Variants in DIABLO observed in about 807,000 individuals in gnomAD.
The protein encoded by DIABLO is diablo IAP-binding mitochondrial protein.
In DIABLO, 32 loss-of-function variants were observed where a neutral mutation model predicts 31.7. That is an observed-to-expected ratio of 1.01 (90% CI 0.76 to 1.35). The LOEUF (loss-of-function observed/expected upper bound fraction) is 1.35. Among genes scored for constraint, DIABLO ranks in the 40% most tolerant of loss-of-function variants. DIABLO has a pLI of 0.00. For missense variants in DIABLO, 316 were observed against 286.4 expected, an observed-to-expected ratio of 1.10 and a Z score of -0.75; for synonymous variants, 132 against 103.2, an observed-to-expected ratio of 1.28 and a Z score of -1.69.
chr12:122,220,109 A>AT (rs1954302677), intron 2 of DIABLO, among the ~76,000 whole-genome samples: 1 of 151,058 alleles, frequency 6.6e-6, no homozygotes, highest in South Asian at 2.1e-4. Flanking sequence ...ACGCTTTGCT[A>AT]TTTTTTTGGT....
At chr12:122,216,671 G>A (rs2136095917) in intron 4 of DIABLO, 87 bp from the exon 5 acceptor site, 1 of 1,536,016 alleles carries the variant, frequency 6.5e-7, no homozygotes, top group Non-Finnish European at 9.0e-7. Context: ...AGAGAACACT[G>A]ATTATATTGA....
upstream of DIABLO, chr12:122,226,740 G>C (rs1380886142): frequency 1.8e-6 from 1 of 571,418 alleles, no homozygotes. Context: ...TTACACTGGA[G>C]AATCCTTCTC....
chr12:122,224,741 G>C (rs765169952), intron 1 of DIABLO, 97 bp from the exon 2 acceptor site: 2 of 1,610,838 alleles, frequency 1.2e-6, no homozygotes, highest in Non-Finnish European at 1.7e-6. Context: ...CTCGAGCCAA[G>C]CAGGAACCTA....
At chr12:122,211,836 T>C (rs1473036560) in intron 5 of DIABLO, among the ~76,000 whole-genome samples, 6 of 152,208 alleles carry the variant, frequency 3.9e-5, no homozygotes, top group African/African-American at 1.2e-4. Context: ...CATTTCATGA[T>C]TGATAATGTC....
At chr12:122,222,753 C>G (rs145813413) in intron 2 of DIABLO, among the ~76,000 whole-genome samples, 6 of 152,178 alleles carry the variant, frequency 3.9e-5, no homozygotes, top group Middle Eastern at 3.4e-3. Flanking sequence ...AGCACACAAC[C>G]TAGATCCCTC....
chr12:122,223,088 C>T (rs1711867091), intron 2 of DIABLO, among the ~76,000 whole-genome samples: 1 of 152,020 alleles, frequency 6.6e-6, no homozygotes, highest in East Asian at 1.9e-4. Flanking sequence ...TTCCACACAG[C>T]AACCTTTTAA....
Position 122,225,411 on chromosome 12 carries a change from G to A in DIABLO, c.50+554C>T, listed in dbSNP as rs530828321. 1.6e-5 allele frequency: 16 copies of A among 995,492 alleles called. No individual in the cohort carries two copies. The South Asian group carries it at 6.0e-4, about 38-fold the overall frequency. The allele number at this position is 995,492 out of a possible 1,614,324, so 61.7% of individuals were successfully genotyped here. On this transcript the variant is annotated intron_variant, in intron 1 of 5. Coordinates refer to ENST00000464942, the MANE Select transcript of DIABLO (RefSeq NM_001371333.1). The stretch of plus-strand genomic sequence containing the variant: ...CAAAAAAATTAAAATAAAATAAAAT[G>A]TTGCCTTTAAACTTTTTAGAAACGG...
chr12:122,222,228 A>T (rs1294236669), intron 2 of DIABLO: 13 of 151,918 alleles, frequency 8.6e-5, no homozygotes, highest in Non-Finnish European at 1.8e-4. Context: ...TTTCCAAAAA[A>T]TTTTTTTCCT....
chr12:122,216,985 C>A, intron 3 of DIABLO, 116 bp from the exon 4 acceptor site: 1 of 807,838 alleles, frequency 1.2e-6, no homozygotes. Context: ...CTCTTCCATC[C>A]TGCTGCCTCA....
At chr12:122,216,916 T>C in intron 3 of DIABLO, 47 bp from the exon 4 acceptor site, 10 of 1,486,584 alleles carry the variant, frequency 6.7e-6, no homozygotes, top group Non-Finnish European at 9.4e-6. Flanking sequence ...GTGAGACATA[T>C]CAGAAGGAAT....
Position 122,208,322 on chromosome 12 carries a change from G to A in DIABLO, c.*59C>T. The A allele has an allele frequency of 1.9e-6, 3 of 1,580,736 alleles. No individual in the cohort carries two copies. The highest frequency in any genetic ancestry group is 1.3e-5 in the African/African-American group (1 of 74,584). On this transcript the variant is annotated 3_prime_UTR_variant, in exon 6 of 6. Coordinates refer to ENST00000464942, the MANE Select transcript of DIABLO (RefSeq NM_001371333.1). ...GACAGTCATGCCAACCCTGGGCAGG[G>A]TGGCATCTGCCCCTGCTTTCCCCAC...
At position 122,214,695 on chromosome 12, in the gene DIABLO, CCT is replaced by C. The variant is rs138872978; in HGVS notation, c.523+1791_523+1792del. Among the ~76,000 whole-genome samples, 656 of 152,226 alleles carry C rather than the reference CCT, an allele frequency of 4.3e-3. 2 individuals carry two copies. Among genetic ancestry groups the C allele is most frequent in the African/African-American group, 0.015 (631 of 41,544 alleles). ...GCTTCCCAAAGACACGCGTTGAGTC[CCT>C]GTGCCTGACTCATCCCAGTTTCTTT... is the stretch of plus-strand genomic sequence containing the variant. On this transcript the variant is annotated intron_variant, in intron 5 of 5. Coordinates refer to ENST00000464942, the MANE Select transcript of DIABLO (RefSeq NM_001371333.1).
intron 4 of DIABLO, 33 bp from the exon 5 acceptor site, chr12:122,216,617 A>ATT (rs1566024772): frequency 1.2e-6 from 2 of 1,602,682 alleles, no homozygotes; most frequent in Non-Finnish European, 1.7e-6. Flanking sequence ...TTCAGACAGC[A>ATT]TAAGAGGTCT....
chr12:122,215,424 CA>C (rs1311062224), intron 5 of DIABLO, among the ~76,000 whole-genome samples: 1 of 151,884 alleles, frequency 6.6e-6, no homozygotes, highest in African/African-American at 2.4e-5. Context: ...ATTAAAAATA[CA>C]AAAACTATTC....
At chr12:122,226,383 G>GA, upstream of DIABLO, 1 of 676,420 alleles carries the variant, frequency 1.5e-6, no homozygotes, top group Non-Finnish European at 2.7e-6. Context: ...GGCCGGGCGG[G>GA]AGGCGGGGCC....
chr12:122,211,883 C>A (rs1022711643), intron 5 of DIABLO, among the ~76,000 whole-genome samples: 5 of 152,076 alleles, frequency 3.3e-5, no homozygotes, highest in African/African-American at 1.2e-4. Flanking sequence ...TACTTTTTAT[C>A]TTGAATTCTT....
At chr12:122,225,339 A>C (rs1183004512) in intron 1 of DIABLO, 1 of 920,214 alleles carries the variant, frequency 1.1e-6, no homozygotes, top group African/African-American at 1.8e-5. Flanking sequence ...GTGAGCTGAG[A>C]TCTCGCCACT....
intron 1 of DIABLO, chr12:122,224,908 C>T (rs531190124): frequency 5.6e-6 from 7 of 1,251,766 alleles, no homozygotes; most frequent in Non-Finnish European, 7.4e-6. Context: ...CAGGAGTTCA[C>T]GACCAGCCTG....
At chr12:122,214,332 C>T (rs1045648930) in intron 5 of DIABLO, among the ~76,000 whole-genome samples, 1 of 152,130 alleles carries the variant, frequency 6.6e-6, no homozygotes. Context: ...AGGTGTGAGC[C>T]ACCACACCCA....
Sources: gnomAD v4.1 joint callset for allele counts (sites outside exome capture counted in the v4.1 genomes callset) on GRCh38, gnomAD v4.1.1 for gene constraint, MANE v1.5 for transcripts, NCBI Gene and HGNC (gene_info 2026-07-23, HGNC 2026-07-21) for gene names.